Variants in SBK2 observed in about 807,000 individuals in gnomAD.
SBK2 encodes the protein serine/threonine-protein kinase SBK2.
SBK2 carries 18 observed loss-of-function variants against 15.9 expected under a neutral mutation model. That is an observed-to-expected ratio of 1.13 (90% CI 0.78 to 1.68). The LOEUF (loss-of-function observed/expected upper bound fraction) is 1.68. Among genes scored for constraint, SBK2 ranks in the 40% most tolerant of loss-of-function variants. The pLI is 0.00. For missense variants in SBK2, 581 were observed against 510.9 expected, an observed-to-expected ratio of 1.14 and a Z score of -1.32; for synonymous variants, 284 against 246.8, an observed-to-expected ratio of 1.15 and a Z score of -1.41.
At chr19:55,530,746 C>T in intron 3 of SBK2, among the ~76,000 whole-genome samples, 1 of 26,640 alleles carries the variant, frequency 3.8e-5, no homozygotes, top group African/African-American at 8.7e-5. Context: ...TTTAGTGTGG[C>T]TTAGTGTGAC....
chr19:55,529,455 A>C lies in SBK2; in HGVS notation c.*278T>G, dbSNP rs1568490553. 6.6e-6 allele frequency among the ~76,000 whole-genome samples: 1 copy of C among 152,182 alleles called. No individual in the cohort carries two copies. The highest frequency in any genetic ancestry group is 1.9e-4 in the East Asian group (1 of 5,170). ...GCCTAAAGTGCCCTGAGCAAACAGC[A>C]AGTGCAGAGGCCCTGGGGAAGGTGG... On this transcript the variant is annotated 3_prime_UTR_variant, in exon 4 of 4. Transcript: ENST00000413299.
At chr19:55,535,935 G>T in intron 2 of SBK2, 107 bp downstream of exon 2, 1 of 1,078,100 alleles carries the variant, frequency 9.3e-7, no homozygotes, top group South Asian at 2.7e-5. Context: ...TTGGAGGGCA[G>T]AGGTAAGACT....
chr19:55,531,026 A>T, intron 3 of SBK2, 117 bp downstream of exon 3: 1 of 887,312 alleles, frequency 1.1e-6, no homozygotes, highest in Non-Finnish European at 1.8e-6. Context: ...TCCGGGGGGT[A>T]GGGGAGGCCC....
At position 55,529,889 on chromosome 19, in the gene SBK2, G is replaced by T; in HGVS notation, c.891C>A (p.Ala297=). 1 of 1,578,782 alleles carries T rather than the reference G, an allele frequency of 6.3e-7. No individual in the cohort carries two copies. The highest frequency in any genetic ancestry group is 8.6e-7 in the Non-Finnish European group (1 of 1,165,430). The change falls in exon 4 of 4, where the codon GCC becomes GCA. Residue 297 remains alanine (A), a synonymous_variant. Coordinates refer to ENST00000413299, the MANE Select transcript of SBK2 (RefSeq NM_001370096.2). The part of the protein sequence containing the change: ...RDRPQPWFGL[A]AAADALLRGL... ...CCCGCAGAAGCGCGTCGGCCGCGGC[G>T]GCCAGGCCGAACCAGGGCTGAGGGC...
chr19:55,530,555 TG>T (rs1988230190), intron 3 of SBK2, among the ~76,000 whole-genome samples: 2 of 23,598 alleles, frequency 8.5e-5, no homozygotes, highest in Admixed American at 4.4e-4. Flanking sequence ...GTGTGACCTG[TG>T]AGGCCTGTGG....
chr19:55,530,002 A>G lies in SBK2; in HGVS notation c.778T>C (p.Tyr260His). ...GVLLFCLLTGYFPWDRPLAEA... is the reference protein window; with the variant it reads ...GVLLFCLLTGHFPWDRPLAEA... ...GCCAGGGGCCGGTCCCAGGGGAAGTAGCCCGTGAGGAGGCAGAAGAGCAGG... is the reference window on the plus strand; with the variant it reads ...GCCAGGGGCCGGTCCCAGGGGAAGTGGCCCGTGAGGAGGCAGAAGAGCAGG... The change falls in exon 4 of 4, where the codon TAC becomes CAC. Residue 260 changes from tyrosine to histidine, a missense_variant. Physicochemically the swap from Tyr to His is moderately conservative, Grantham distance 83 (BLOSUM62 2). Transcript: ENST00000413299. The G allele has an allele frequency of 2.0e-6, 3 of 1,522,922 alleles. No homozygotes were observed. The highest frequency in any genetic ancestry group is 2.6e-6 in the Non-Finnish European group (3 of 1,137,364). The allele number at this position is 1,522,922 out of a possible 1,614,324, so 94.3% of individuals were successfully genotyped here.
chr19:55,532,636 T>C (rs1351213185), intron 2 of SBK2, among the ~76,000 whole-genome samples: 1 of 145,720 alleles, frequency 6.9e-6, no homozygotes, highest in Admixed American at 6.9e-5. Context: ...GGTCTTTCTC[T>C]GTCGTCCAGG....
chr19:55,532,040 G>T (rs1444008592), intron 2 of SBK2, among the ~76,000 whole-genome samples: 1 of 152,082 alleles, frequency 6.6e-6, no homozygotes, highest in African/African-American at 2.4e-5. Flanking sequence ...ATAACAGTAC[G>T]TGGTGAATTT....
chr19:55,536,501 TGCC>T (rs566147009), intron 1 of SBK2, among the ~76,000 whole-genome samples: 1 of 149,958 alleles, frequency 6.7e-6, no homozygotes, highest in Non-Finnish European at 1.5e-5. Context: ...CCTGCCCGCG[TGCC>T]GCCGCCGCCA....
At chr19:55,534,181 T>G (rs567892024) in intron 2 of SBK2, among the ~76,000 whole-genome samples, 1 of 152,108 alleles carries the variant, frequency 6.6e-6, no homozygotes, top group Admixed American at 6.5e-5. Flanking sequence ...TATTTGGAGA[T>G]GGGGTCTTTA....
In SBK2 at chr19:55,529,194, C is replaced by G. The variant is rs112879731; in HGVS notation, c.*539G>C. ...AGGATTGTTTGAGGCCAGGAGTTGA[C>G]ACCCACCTGGGCAACATAGCAAGAC... On this transcript the variant is annotated 3_prime_UTR_variant, in exon 4 of 4. Coordinates refer to ENST00000413299, the MANE Select transcript of SBK2 (RefSeq NM_001370096.2). 9.4e-3 allele frequency among the ~76,000 whole-genome samples: 1,391 copies of G among 148,668 alleles called. 26 individuals are homozygous for G. The highest frequency in any genetic ancestry group is 0.032 in the African/African-American group (1,256 of 39,684).
chr19:55,532,189 G>A (rs1392673582), intron 2 of SBK2, among the ~76,000 whole-genome samples: 1 of 151,722 alleles, frequency 6.6e-6, no homozygotes, highest in Non-Finnish European at 1.5e-5. Flanking sequence ...CTGGGGAAAA[G>A]GTAACCCACA....
Position 55,530,183 on chromosome 19 carries a change from G to A in SBK2, c.597C>T (p.Phe199=). Residue 199 remains phenylalanine (F), a synonymous_variant, in exon 4 of 4, where the codon TTC becomes TTT. Transcript: ENST00000413299. ...VLVCDPACRR[F]KLTDFGHTRP... ...TCGTGTGGCCGAAGTCGGTCAGCTT[G>A]AAGCGCCGGCAGGCCGGGTCGCACA... is the stretch of plus-strand genomic sequence containing the variant. The A allele has an allele frequency of 6.5e-7, 1 of 1,531,862 alleles. No individual in the cohort carries two copies. Among genetic ancestry groups the A allele is most frequent in the Non-Finnish European group, 8.8e-7 (1 of 1,139,838 alleles). 94.9% of individuals were successfully genotyped at this position (1,531,862 alleles called of 1,614,324 possible).
rs1406479266 is a variant in SBK2, at chr19:55,530,084, C to T, written c.696G>A (p.Pro232=). 4 of 1,439,342 alleles carry T rather than the reference C, an allele frequency of 2.8e-6. No individual in the cohort carries two copies. The highest frequency in any genetic ancestry group is 1.5e-5 in the African/African-American group (1 of 66,888). The allele number at this position is 1,439,342 out of a possible 1,614,324, so 89.2% of individuals were successfully genotyped here. Reference sequence around the variant, plus strand: ...GAATGGGCAGGCCCTCGGGGAGCGGCGGGGGCGCGCAGAGCTCGGGGGCCG... The same window carrying T: ...GAATGGGCAGGCCCTCGGGGAGCGGTGGGGGCGCGCAGAGCTCGGGGGCCG... ...PYTAPELCAP[P]PLPEGLPIQP... Residue 232 remains proline, a synonymous_variant, in exon 4 of 4, where the codon CCG becomes CCA. Coordinates refer to ENST00000413299, the MANE Select transcript of SBK2 (RefSeq NM_001370096.2).
chr19:55,536,352 G>A, intron 1 of SBK2, 56 bp from the exon 2 acceptor site: 1 of 1,367,450 alleles, frequency 7.3e-7, no homozygotes, highest in South Asian at 1.7e-5. Flanking sequence ...GGGAGGAGGG[G>A]ACTGGGGGTC....
At chr19:55,536,980 C>T (rs181564289) in intron 1 of SBK2, 74 bp downstream of exon 1, 5 of 152,868 alleles carry the variant, frequency 3.3e-5, no homozygotes, top group Admixed American at 2.0e-4. Context: ...GTACAGTCAC[C>T]CTCAGGTGCT....
intron 2 of SBK2, among the ~76,000 whole-genome samples, chr19:55,534,569 T>C (rs1481681508): frequency 1.0e-4 from 15 of 150,212 alleles, no homozygotes; most frequent in Non-Finnish European, 3.0e-5. Flanking sequence ...TAGCCGGGCA[T>C]GGTGGCATGC....
chr19:55,530,325 T>C lies in SBK2; in HGVS notation c.457-2A>G. 1 of 1,398,448 alleles carries C rather than the reference T, an allele frequency of 7.2e-7. No individual in the cohort carries two copies. Among genetic ancestry groups the C allele is most frequent in the Non-Finnish European group, 9.3e-7 (1 of 1,078,514 alleles). 86.6% of individuals were successfully genotyped at this position (1,398,448 alleles called of 1,614,324 possible). ...CACCGCGGGCTGCGGGAGGCCCACC[T>C]GCGGGGAGAGGGGTCAGGGCCCAGT... is the stretch of plus-strand genomic sequence containing the variant. On this transcript the variant is annotated splice_acceptor_variant, in intron 3 of 3. Coordinates refer to ENST00000413299, the MANE Select transcript of SBK2 (RefSeq NM_001370096.2). LOFTEE classifies it high-confidence loss of function.
At position 55,530,140 on chromosome 19, in the gene SBK2, G is replaced by A; in HGVS notation, c.640C>T (p.Leu214=). ...GGGATGGGCGGCCCGGCCAGGCGCA[G>A]CAGCGTCCCGCGAGGCCTCGTGTGG... The part of the protein sequence containing the change: ...FGHTRPRGTL[L]RLAGPPIPYT... The change falls in exon 4 of 4, where the codon CTG becomes TTG. Residue 214 remains leucine, a synonymous_variant. Coordinates refer to ENST00000413299, the MANE Select transcript of SBK2 (RefSeq NM_001370096.2). 1 of 1,491,420 alleles carries A rather than the reference G, an allele frequency of 6.7e-7. No homozygotes were observed. The allele number at this position is 1,491,420 out of a possible 1,614,324, so 92.4% of individuals were successfully genotyped here. A position where few individuals can be genotyped will look rare whatever the true frequency, so the allele number is the denominator to read the frequency against.
Sources: gnomAD v4.1 joint callset for allele counts (sites outside exome capture counted in the v4.1 genomes callset) on GRCh38, gnomAD v4.1.1 for gene constraint, MANE v1.5 for transcripts, NCBI Gene and HGNC (gene_info 2026-07-23, HGNC 2026-07-21) for gene names.